Variants in CSMD1 observed in about 807,000 individuals in gnomAD.
The protein encoded by CSMD1 is CUB and sushi domain-containing protein 1.
In CSMD1, 213 loss-of-function variants were observed where a neutral mutation model predicts 417.5. The ratio of observed to expected loss-of-function variants is 0.51; its 90% CI spans 0.46 to 0.57. The LOEUF is 0.57. Ranked by LOEUF, CSMD1 falls within the 20% of genes least tolerant of loss-of-function variation. The probability of loss-of-function intolerance (pLI) is 0.00; values close to 1 mark genes in which losing one functional copy is unlikely to be tolerated. For missense variants in CSMD1, 6,923 were observed against 4,529.7 expected, an observed-to-expected ratio of 1.53 and a Z score of -15.17; for synonymous variants, 2,862 against 1,736.8, an observed-to-expected ratio of 1.65 and a Z score of -16.11.
At chr8:4,024,705 T>C (rs560550685) in intron 4 of CSMD1, among the ~76,000 whole-genome samples, 23 of 152,300 alleles carry the variant, frequency 1.5e-4, no homozygotes, top group Non-Finnish European at 3.1e-4. Context: ...TACCTTCCTA[T>C]GGTGGTTCAT....
At chr8:4,422,846 A>T (rs1379294227) in intron 2 of CSMD1, among the ~76,000 whole-genome samples, 2 of 152,138 alleles carry the variant, frequency 1.3e-5, no homozygotes, top group Non-Finnish European at 2.9e-5. Flanking sequence ...AATGGTGTTT[A>T]TTAGAGGAAT....
chr8:4,979,054 A>C (rs1810727464), intron 1 of CSMD1, among the ~76,000 whole-genome samples: 1 of 152,188 alleles, frequency 6.6e-6, no homozygotes, highest in African/African-American at 2.4e-5. Flanking sequence ...CGTTCTTTTC[A>C]TAGTCACTTC....
intron 1 of CSMD1, among the ~76,000 whole-genome samples, chr8:4,684,926 G>A (rs1806276825): frequency 6.6e-6 from 1 of 151,966 alleles, no homozygotes; most frequent in Non-Finnish European, 1.5e-5. Flanking sequence ...TAATAATCTT[G>A]CCTTTTACAT....
chr8:3,019,506 G>A (rs975678014), intron 51 of CSMD1, among the ~76,000 whole-genome samples: 1 of 152,202 alleles, frequency 6.6e-6, no homozygotes, highest in African/African-American at 2.4e-5. Flanking sequence ...GCAGTGCTCA[G>A]TTTATTTGTT....
At chr8:4,522,172 T>G (rs1306254806) in intron 2 of CSMD1, among the ~76,000 whole-genome samples, 1 of 152,076 alleles carries the variant, frequency 6.6e-6, no homozygotes, top group Non-Finnish European at 1.5e-5. Flanking sequence ...CTCGTGATAG[T>G]GAATGAGTCT....
chr8:3,703,489 T>A (rs1041735807), intron 7 of CSMD1, among the ~76,000 whole-genome samples: 1 of 152,048 alleles, frequency 6.6e-6, no homozygotes, highest in African/African-American at 2.4e-5. Flanking sequence ...CATCAGTAGA[T>A]ACTGGTTGTG....
chr8:4,887,306 T>G (rs1803815536), intron 1 of CSMD1, among the ~76,000 whole-genome samples: 1 of 152,186 alleles, frequency 6.6e-6, no homozygotes, highest in Non-Finnish European at 1.5e-5. Context: ...GGCTTTTAAC[T>G]CAATTACAAT....
At chr8:4,190,210 G>C (rs967625103) in intron 3 of CSMD1, among the ~76,000 whole-genome samples, 30 of 135,212 alleles carry the variant, frequency 2.2e-4, no homozygotes, top group Non-Finnish European at 3.8e-4. Context: ...AGTGAGCTGA[G>C]ATCGAGTCAC....
rs192050423 is a variant in CSMD1 at position 4,767,294 on chromosome 8, G to C, written c.86-129736C>G. On this transcript the variant is annotated intron_variant, in intron 1 of 69. Coordinates refer to ENST00000635120, the MANE Select transcript of CSMD1 (RefSeq NM_033225.6). ...AATGCCAATTAAAACAAGTAGAGTT[G>C]ACTATCATGGTGATAGAAAATAGAC... 7.9e-5 allele frequency among the ~76,000 whole-genome samples: 12 copies of C among 152,300 alleles called. No individual in the cohort carries two copies. The East Asian group carries it at 2.3e-3, about 29-fold the overall frequency.
chr8:2,989,148 C>A (rs966931048), intron 54 of CSMD1, among the ~76,000 whole-genome samples: 1 of 152,272 alleles, frequency 6.6e-6, no homozygotes, highest in East Asian at 1.9e-4. Flanking sequence ...AGAATCAGAC[C>A]ATATTGCAGT....
At chr8:4,334,476 C>T (rs1409220383) in intron 3 of CSMD1, among the ~76,000 whole-genome samples, 3 of 152,148 alleles carry the variant, frequency 2.0e-5, no homozygotes, top group Admixed American at 1.3e-4. Context: ...AGTGTTCATC[C>T]TGCCTTATCG....
At chr8:3,692,960 G>A (rs577840837) in intron 7 of CSMD1, among the ~76,000 whole-genome samples, 1 of 152,150 alleles carries the variant, frequency 6.6e-6, no homozygotes, top group African/African-American at 2.4e-5. Context: ...GTTTTTTTGT[G>A]TGATTAACTT....
intron 3 of CSMD1, among the ~76,000 whole-genome samples, chr8:4,407,225 C>G (rs760828364): frequency 1.3e-5 from 2 of 152,164 alleles, no homozygotes; most frequent in Non-Finnish European, 2.9e-5. Flanking sequence ...TCCAGCTCTT[C>G]TATGCCACAG....
intron 3 of CSMD1, among the ~76,000 whole-genome samples, chr8:4,068,697 A>G (rs760517521): frequency 1.4e-4 from 22 of 152,212 alleles, no homozygotes; most frequent in Admixed American, 3.9e-4. Context: ...TCATTTCAAG[A>G]TATCTAGTGG....
chr8:4,353,892 G>C (rs984424553), intron 3 of CSMD1, among the ~76,000 whole-genome samples: 2 of 152,158 alleles, frequency 1.3e-5, no homozygotes, highest in African/African-American at 2.4e-5. Flanking sequence ...AGGGAAAAGA[G>C]CATGTTCAGC....
intron 2 of CSMD1, among the ~76,000 whole-genome samples, chr8:4,560,201 C>T (rs61085713): frequency 2.6e-5 from 4 of 152,156 alleles, no homozygotes; most frequent in Non-Finnish European, 5.9e-5. Context: ...CTGCAAGAAG[C>T]AGCAGCAGCA....
chr8:4,006,488 G>C (rs924662740), intron 4 of CSMD1, among the ~76,000 whole-genome samples: 1 of 152,154 alleles, frequency 6.6e-6, no homozygotes, highest in Non-Finnish European at 1.5e-5. Flanking sequence ...AGGTTGCAGT[G>C]AGCCAAGATC....
intron 3 of CSMD1, among the ~76,000 whole-genome samples, chr8:4,409,366 C>T (rs1218900296): frequency 6.6e-6 from 1 of 152,114 alleles, no homozygotes; most frequent in South Asian, 2.1e-4. Flanking sequence ...CGAATTGCCT[C>T]AGACTAACAA....
At chr8:3,984,749 A>ATG (rs1814187922) in intron 5 of CSMD1, among the ~76,000 whole-genome samples, 1 of 67,410 alleles carries the variant, frequency 1.5e-5, no homozygotes. Flanking sequence ...ATATATATAT[A>ATG]TATTTGTATG....
Sources: allele counts gnomAD v4.1 joint callset (sites outside exome capture counted in the v4.1 genomes callset), GRCh38; gene constraint gnomAD v4.1.1; transcripts MANE v1.5; gene names NCBI Gene and HGNC (gene_info 2026-07-23, HGNC 2026-07-21).